The following PNPLA4 variants were observed in gnomAD, a reference collection of about 807,000 sequenced individuals.
The protein encoded by PNPLA4 is patatin-like phospholipase domain-containing protein 4.
Under a neutral mutation model 18.3 loss-of-function variants are expected in PNPLA4, and 15 were observed. The ratio of observed to expected loss-of-function variants is 0.82; its 90% CI spans 0.55 to 1.26. The LOEUF (loss-of-function observed/expected upper bound fraction) is 1.26. PNPLA4 is among the 50% of genes most tolerant of loss of function. PNPLA4 has a pLI of 0.00. For synonymous variants in PNPLA4, 88 were observed against 85.6 expected (o/e 1.03, Z -0.16); for missense variants, 229 against 196.8 (o/e 1.16, Z -0.98).
chrX:7,919,563 G>A (rs996494947), intron 4 of PNPLA4, among the ~76,000 whole-genome samples: 1 of 112,466 alleles, frequency 8.9e-6, no homozygotes, highest in Non-Finnish European at 1.9e-5. Context: ...CAAGATTCAT[G>A]TACTTAGTTT....
chrX:7,901,386 A>T (rs1166714810), intron 6 of PNPLA4, among the ~76,000 whole-genome samples: 3 of 111,581 alleles, frequency 2.7e-5, no homozygotes, highest in African/African-American at 9.8e-5. Context: ...GCTCAGGACC[A>T]GCCTAGGCAA....
intron 2 of PNPLA4, among the ~76,000 whole-genome samples, chrX:7,923,609 G>A (rs1325761024): frequency 8.9e-6 from 1 of 111,998 alleles, no homozygotes. Flanking sequence ...GTTGCCAAAG[G>A]TTTCCCTCCA....
chrX:7,901,685 G>A (rs1923539051), intron 6 of PNPLA4, among the ~76,000 whole-genome samples: 1 of 111,666 alleles, frequency 9.0e-6, no homozygotes, highest in African/African-American at 3.3e-5. Flanking sequence ...AAAAATGGGT[G>A]GGCGTGGTGC....
chrX:7,910,617 T>C (rs1336221141), intron 5 of PNPLA4, among the ~76,000 whole-genome samples: 4 of 110,599 alleles, frequency 3.6e-5, no homozygotes, highest in African/African-American at 1.3e-4. Flanking sequence ...CTGATATGTA[T>C]GAAATATCTA....
intron 4 of PNPLA4, among the ~76,000 whole-genome samples, chrX:7,913,348 C>G (rs1923935172): frequency 8.9e-6 from 1 of 111,936 alleles, no homozygotes; most frequent in South Asian, 3.7e-4. Context: ...TGGGAATGGA[C>G]CCAACACTCC....
intron 1 of PNPLA4, among the ~76,000 whole-genome samples, chrX:7,927,004 G>A (rs1423942972): frequency 4.4e-5 from 5 of 112,903 alleles, no homozygotes; most frequent in Non-Finnish European, 9.4e-5. Context: ...TGTTCCTGAT[G>A]CACCCGGCCA....
At chrX:7,920,888 C>G (rs1472479929) in intron 4 of PNPLA4, among the ~76,000 whole-genome samples, 2 of 112,559 alleles carry the variant, frequency 1.8e-5, no homozygotes, top group Non-Finnish European at 3.7e-5. Flanking sequence ...ACCTGGGTAC[C>G]AGAATTAGCT....
intron 1 of PNPLA4, 46 bp from the exon 2 acceptor site, chrX:7,926,178 C>T (rs1924397032): frequency 3.1e-6 from 3 of 952,941 alleles, no homozygotes; most frequent in Non-Finnish European, 2.9e-6. Flanking sequence ...AATAGTTTAT[C>T]CCACATACTG....
rs1370329956 is a variant in PNPLA4 at position 7,922,099 on chromosome X, C to T, written c.181-1G>A. 7 of 1,165,405 alleles carry T rather than the reference C, an allele frequency of 6.0e-6. No homozygotes were observed. The highest frequency in any genetic ancestry group is 3.6e-5 in the African/African-American group (2 of 56,181). On this transcript the variant is annotated splice_acceptor_variant, in intron 2 of 6. Transcript: ENST00000381042. LOFTEE classifies it high-confidence loss of function. ...ACTTGTAGGTAAATTGGTTACATTC[C>T]TAAAAAAAGAAAATTAAGAAGTGAC... is the stretch of plus-strand genomic sequence containing the variant.
chrX:7,907,682 G>C (rs1923749083), intron 5 of PNPLA4, among the ~76,000 whole-genome samples: 1 of 110,850 alleles, frequency 9.0e-6, no homozygotes, highest in Non-Finnish European at 1.9e-5. Flanking sequence ...GAAAGCTACA[G>C]AACTTTTTAA....
intron 4 of PNPLA4, among the ~76,000 whole-genome samples, chrX:7,912,565 A>G (rs1470101500): frequency 1.8e-5 from 2 of 111,867 alleles, no homozygotes; most frequent in Non-Finnish European, 3.8e-5. Context: ...AGGGAATGGC[A>G]TATTTTATGT....
At position 7,899,401 on chromosome X, in the gene PNPLA4, G is replaced by A; in HGVS notation, c.*1285C>T. On this transcript the variant is annotated 3_prime_UTR_variant, in exon 7 of 7. Transcript: ENST00000381042. ...AGACAGTGTCAGTAAATTGGTACAAGCCCATACACAAGTCCTCAAAGTGAT... is the reference window on the plus strand; with the variant it reads ...AGACAGTGTCAGTAAATTGGTACAAACCCATACACAAGTCCTCAAAGTGAT... 1 of 110,261 alleles carries A rather than the reference G, an allele frequency of 9.1e-6. No homozygotes were observed. The highest frequency in any genetic ancestry group is 1.9e-5 in the Non-Finnish European group (1 of 52,923). 9.1% of individuals were successfully genotyped at this position (110,261 alleles called of 1,213,427 possible).
intron 5 of PNPLA4, among the ~76,000 whole-genome samples, chrX:7,907,435 C>T (rs1328999469): frequency 1.8e-5 from 2 of 112,332 alleles, no homozygotes; most frequent in Non-Finnish European, 3.8e-5. Context: ...GTTAAGAATT[C>T]CTCTTGAAAA....
At chrX:7,901,009 A>C (rs1435760038) in intron 6 of PNPLA4, among the ~76,000 whole-genome samples, 192 bp from the exon 7 acceptor site, 1 of 111,784 alleles carries the variant, frequency 8.9e-6, no homozygotes, top group Non-Finnish European at 1.9e-5. Context: ...GGTACTGCTG[A>C]CATTTGGGGC....
At chrX:7,923,558 C>T (rs541615669) in intron 2 of PNPLA4, among the ~76,000 whole-genome samples, 5 of 111,980 alleles carry the variant, frequency 4.5e-5, no homozygotes, top group Admixed American at 9.5e-5. Flanking sequence ...AAATCAGCAA[C>T]GGGAAATGAA....
chrX:7,902,512 A>G (rs1923570833), intron 5 of PNPLA4, among the ~76,000 whole-genome samples: 1 of 112,375 alleles, frequency 8.9e-6, no homozygotes, highest in Admixed American at 9.4e-5. Context: ...CATTTTTATT[A>G]TATGAATTGG....
intron 5 of PNPLA4, among the ~76,000 whole-genome samples, chrX:7,902,819 C>T (rs766852581): frequency 9.0e-6 from 1 of 111,668 alleles, no homozygotes; most frequent in African/African-American, 3.3e-5. Flanking sequence ...CAGCCTCAGC[C>T]CCTAGCTCTA....
In PNPLA4 at chrX:7,902,126, C is replaced by T. The variant is rs1426919483; in HGVS notation, c.493G>A (p.Gly165Ser). The T allele has an allele frequency of 8.3e-7, 1 of 1,203,189 alleles. No homozygotes were observed. The highest frequency in any genetic ancestry group is 1.8e-5 in the South Asian group (1 of 55,071). ...EYKGQKWVDGGLTNALPILPV... is the reference protein window; with the variant it reads ...EYKGQKWVDGSLTNALPILPV... Reference sequence around the variant, plus strand: ...AGGATGGGAAGAGCGTTGGTGAGGCCTCCGTCCACCCACTTCTGTGGAAAG... The same window carrying T: ...AGGATGGGAAGAGCGTTGGTGAGGCTTCCGTCCACCCACTTCTGTGGAAAG... The change falls in exon 6 of 7, where the codon GGC (glycine) becomes AGC (serine). Residue 165 changes from glycine (G) to serine (S), a missense_variant. Physicochemically the swap from Gly to Ser is moderately conservative, Grantham distance 56 (BLOSUM62 0). Transcript: ENST00000381042.
At chrX:7,916,853 G>C (rs949196022) in intron 4 of PNPLA4, among the ~76,000 whole-genome samples, 3 of 111,743 alleles carry the variant, frequency 2.7e-5, no homozygotes, top group African/African-American at 9.8e-5. Context: ...ATTTTGGAGG[G>C]GGGCCTCCTG....
Sources: allele counts gnomAD v4.1 joint callset (sites outside exome capture counted in the v4.1 genomes callset), GRCh38; gene constraint gnomAD v4.1.1; transcripts MANE v1.5; gene names NCBI Gene and HGNC (gene_info 2026-07-23, HGNC 2026-07-21).